TCP11L2: variants seen among roughly 807,000 people sequenced by gnomAD.
TCP11L2 encodes the protein T-complex protein 11-like protein 2.
TCP11L2 carries 39 observed loss-of-function variants against 50.7 expected under a neutral mutation model. The ratio of observed to expected loss-of-function variants is 0.77; its 90% confidence interval spans 0.60 to 1.01. The LOEUF (loss-of-function observed/expected upper bound fraction) is 1.01. Among genes scored for constraint, TCP11L2 ranks in the 50% least tolerant of loss-of-function variants. TCP11L2 has a pLI of 0.00. For missense variants in TCP11L2, 612 were observed against 614.7 expected (o/e 1.00, Z 0.05); for synonymous variants, 192 against 219.3 (o/e 0.88, Z 1.10).
chr12:106,329,037 A>G (rs1218111196), intron 6 of TCP11L2, among the ~76,000 whole-genome samples: 1 of 152,140 alleles, frequency 6.6e-6, no homozygotes, highest in Non-Finnish European at 1.5e-5. Context: ...TCTCAGAGAA[A>G]GCCAGCACCA....
chr12:106,321,771 C>T, intron 5 of TCP11L2, 65 bp downstream of exon 5: 1 of 1,388,016 alleles, frequency 7.2e-7, no homozygotes, highest in South Asian at 1.2e-5. Context: ...GGAAGTTGGG[C>T]ATCAGGGAAC....
chr12:106,318,241 T>C, intron 3 of TCP11L2, 103 bp from the exon 4 acceptor site: 1 of 1,340,136 alleles, frequency 7.5e-7, no homozygotes, highest in South Asian at 1.4e-5. Flanking sequence ...AATTATTCTG[T>C]GTTTTTTTTA....
intron 8 of TCP11L2, among the ~76,000 whole-genome samples, chr12:106,337,868 T>C (rs767748689): frequency 6.6e-6 from 1 of 152,246 alleles, no homozygotes; most frequent in Admixed American, 6.5e-5. Context: ...TTTATAATTG[T>C]ATCTGGTTGT....
At chr12:106,328,203 A>G (rs1404695599) in intron 6 of TCP11L2, among the ~76,000 whole-genome samples, 1 of 152,272 alleles carries the variant, frequency 6.6e-6, no homozygotes, top group Non-Finnish European at 1.5e-5. Context: ...AAAGAAGAGC[A>G]AACTGATGCT....
chr12:106,321,803 CAAAT>C, intron 5 of TCP11L2, 97 bp downstream of exon 5: 2 of 955,646 alleles, frequency 2.1e-6, no homozygotes, highest in South Asian at 1.5e-5. Flanking sequence ...ACTAGTACCC[CAAAT>C]AAATTACTGA....
At position 106,321,482 on chromosome 12, in the gene TCP11L2, G is replaced by A; in HGVS notation, c.415-4G>A. 1.2e-6 allele frequency: 2 copies of A among 1,609,426 alleles called. No homozygotes were observed. ...GCTGTTAATTTTTATTTCTTTCCCT[G>A]TAGATTCTTCTCTCTTTTCTCACTC... On this transcript the variant is annotated splice_region_variant and splice_polypyrimidine_tract_variant and intron_variant, in intron 4 of 9. Coordinates refer to ENST00000299045, the MANE Select transcript of TCP11L2 (RefSeq NM_152772.3).
intron 1 of TCP11L2, among the ~76,000 whole-genome samples, chr12:106,305,357 A>G (rs1299125497): frequency 6.6e-6 from 1 of 152,222 alleles, no homozygotes; most frequent in East Asian, 1.9e-4. Flanking sequence ...TATTTGCTAC[A>G]CGTGAGTTTC....
chr12:106,306,040 C>T (rs561299868), intron 1 of TCP11L2, among the ~76,000 whole-genome samples: 115 of 152,244 alleles, frequency 7.6e-4, no homozygotes, highest in African/African-American at 2.7e-3. Context: ...TGGCCTATTT[C>T]CTGTTTTATT....
chr12:106,344,876 A>G (rs73197527), intron 9 of TCP11L2, among the ~76,000 whole-genome samples: 14,124 of 152,214 alleles, frequency 0.093, 709 homozygotes, highest in Middle Eastern at 0.14. Context: ...CTCAAAGTCA[A>G]ATACATTGAG....
At position 106,318,437 on chromosome 12, in the gene TCP11L2, C is replaced by T. The variant is rs1377717083; in HGVS notation, c.387C>T (p.Ala129=). ...CTGACCCTCCTGAGTTTGAACATGC[C>T]ATCAAACTGTTTGAAGAAATCAGAG... ...LNADPPEFEH[A]IKLFEEIREI... The change falls in exon 4 of 10, where the codon GCC becomes GCT. Residue 129 remains alanine, a synonymous_variant. Transcript: ENST00000299045. 6.2e-7 allele frequency: 1 copy of T among 1,613,982 alleles called. No individual in the cohort carries two copies.
intron 5 of TCP11L2, among the ~76,000 whole-genome samples, chr12:106,322,573 C>T (rs953596195): frequency 1.3e-5 from 2 of 152,188 alleles, no homozygotes; most frequent in African/African-American, 4.8e-5. Flanking sequence ...GCTACATAGA[C>T]GATAACTTCC....
intron 3 of TCP11L2, among the ~76,000 whole-genome samples, chr12:106,316,788 C>T (rs979215543): frequency 6.6e-6 from 1 of 152,166 alleles, no homozygotes; most frequent in African/African-American, 2.4e-5. Flanking sequence ...GTTCCTAAAA[C>T]AGGGCCCTAC....
At chr12:106,306,002 T>G (rs2034617727) in intron 1 of TCP11L2, among the ~76,000 whole-genome samples, 1 of 152,198 alleles carries the variant, frequency 6.6e-6, no homozygotes. Context: ...TAAAAAGGAT[T>G]ATCTATTTTG....
Position 106,328,225 on chromosome 12 carries a change from T to C in TCP11L2, c.772+4579T>C, listed in dbSNP as rs562505912. ...AGCAAACTGATGCTCAGTGATGACCTCCTTAGACTCAGAATCATTCAGCTA... is the reference window on the plus strand; with the variant it reads ...AGCAAACTGATGCTCAGTGATGACCCCCTTAGACTCAGAATCATTCAGCTA... On this transcript the variant is annotated intron_variant, in intron 6 of 9. Transcript: ENST00000299045. Among the ~76,000 whole-genome samples the C allele has an allele frequency of 2.6e-5, 4 of 152,366 alleles. No individual in the cohort carries two copies. The East Asian group carries it at 7.7e-4, about 29-fold the overall frequency.
chr12:106,317,652 G>A, intron 3 of TCP11L2, among the ~76,000 whole-genome samples: 1 of 152,246 alleles, frequency 6.6e-6, no homozygotes, highest in East Asian at 1.9e-4. Context: ...CTCTGCTTAG[G>A]AAAGGTATAT....
chr12:106,318,312 AT>A, intron 3 of TCP11L2, 31 bp from the exon 4 acceptor site: 1 of 1,603,862 alleles, frequency 6.2e-7, no homozygotes, highest in Non-Finnish European at 8.5e-7. Context: ...AGTTATGCTT[AT>A]TTTAAAAAAC....
At chr12:106,335,872 T>C in intron 7 of TCP11L2, 46 bp downstream of exon 7, 1 of 1,591,902 alleles carries the variant, frequency 6.3e-7, no homozygotes, top group Non-Finnish European at 8.6e-7. Flanking sequence ...ATTTTTATTC[T>C]TAAGTTCTAA....
intron 2 of TCP11L2, chr12:106,312,276 TTTGCTG>T: frequency 6.4e-5 from 22 of 343,838 alleles, no homozygotes; most frequent in South Asian, 1.1e-4. Flanking sequence ...TTTTTTTTTT[TTTGCTG>T]TTATAAATAG....
At chr12:106,298,888 G>A (rs1198526419), upstream of TCP11L2, among the ~76,000 whole-genome samples, 1 of 151,616 alleles carries the variant, frequency 6.6e-6, no homozygotes, top group South Asian at 2.1e-4. Context: ...TGCAATCCTG[G>A]CTCACTGCAA....
Sources: allele counts gnomAD v4.1 joint callset (sites outside exome capture counted in the v4.1 genomes callset), GRCh38; gene constraint gnomAD v4.1.1; transcripts MANE v1.5; gene names NCBI Gene and HGNC (gene_info 2026-07-23, HGNC 2026-07-21).